The following HIBCH variants were observed in gnomAD, a reference collection of about 807,000 sequenced individuals.
HIBCH encodes 3-hydroxyisobutyryl-CoA hydrolase, mitochondrial.
HIBCH carries 50 observed loss-of-function variants against 58.2 expected under a neutral mutation model. That is an observed-to-expected ratio of 0.86 (90% CI 0.68 to 1.09). The LOEUF (loss-of-function observed/expected upper bound fraction) is 1.09. HIBCH is among the 50% of genes least tolerant of loss of function. The probability of loss-of-function intolerance (pLI) is 0.00; values close to 1 mark genes in which losing one functional copy is unlikely to be tolerated. For missense variants in HIBCH, 450 were observed against 449.7 expected, an observed-to-expected ratio of 1.00 and a Z score of -0.01; for synonymous variants, 151 against 146.9, an observed-to-expected ratio of 1.03 and a Z score of -0.20.
At chr2:190,260,697 G>A (rs946792881) in intron 7 of HIBCH, among the ~76,000 whole-genome samples, 1 of 152,084 alleles carries the variant, frequency 6.6e-6, no homozygotes, top group African/African-American at 2.4e-5. Context: ...AGCTACACAG[G>A]CAATTCAGTA....
chr2:190,244,771 A>G, intron 11 of HIBCH, 116 bp downstream of exon 11: 1 of 793,060 alleles, frequency 1.3e-6, no homozygotes, highest in Non-Finnish European at 2.3e-6. Flanking sequence ...GGAAAAAAGA[A>G]AACACAATGC....
intron 5 of HIBCH, among the ~76,000 whole-genome samples, chr2:190,290,037 C>A (rs1687922214): frequency 6.6e-6 from 1 of 152,286 alleles, no homozygotes; most frequent in Non-Finnish European, 1.5e-5. Flanking sequence ...TGCCACCGCA[C>A]CCAGCTGATT....
intron 7 of HIBCH, among the ~76,000 whole-genome samples, chr2:190,259,756 G>A (rs1687034961): frequency 6.6e-6 from 1 of 152,084 alleles, no homozygotes; most frequent in Non-Finnish European, 1.5e-5. Context: ...GGAGCTGTTG[G>A]AGTTTTCCAT....
At chr2:190,218,160 T>C (rs1353673872) in intron 11 of HIBCH, among the ~76,000 whole-genome samples, 1 of 147,698 alleles carries the variant, frequency 6.8e-6, no homozygotes, top group South Asian at 2.1e-4. Flanking sequence ...CCAAAGGCAG[T>C]TGTCACAAGC....
At chr2:190,224,091 C>T (rs1050805600) in intron 11 of HIBCH, among the ~76,000 whole-genome samples, 1 of 152,206 alleles carries the variant, frequency 6.6e-6, no homozygotes, top group African/African-American at 2.4e-5. Flanking sequence ...TAGCAAACGG[C>T]ACACCAGGAG....
At chr2:190,200,762 CTT>C (rs1240117970), downstream of HIBCH, 2 of 167,872 alleles carry the variant, frequency 1.2e-5, no homozygotes, top group Non-Finnish European at 2.9e-5. Context: ...ACGACTCAGA[CTT>C]TGTGCCTAAA....
chr2:190,204,214 T>C lies in HIBCH; in HGVS notation c.*903A>G, dbSNP rs1004616122. The C allele has an allele frequency of 1.3e-5, 2 of 152,050 alleles. No homozygotes were observed. The highest frequency in any genetic ancestry group is 6.6e-5 in the Admixed American group (1 of 15,258). The allele number at this position is 152,050 out of a possible 1,614,324, so 9.4% of individuals were successfully genotyped here. On this transcript the variant is annotated 3_prime_UTR_variant, in exon 14 of 14. Coordinates refer to ENST00000359678, the MANE Select transcript of HIBCH (RefSeq NM_014362.4). ...ATTGAATATATCTTTTGAACAAAAG[T>C]CTTCTTGCTTTCAATTAATTTTTTT...
chr2:190,216,221 C>T lies in HIBCH; in HGVS notation c.892-3146G>A, dbSNP rs952905329. 1 of 152,826 alleles carries T rather than the reference C, an allele frequency of 6.5e-6. No individual in the cohort carries two copies. Among genetic ancestry groups the T allele is most frequent in the Non-Finnish European group, 1.5e-5 (1 of 68,614 alleles). The allele number at this position is 152,826 out of a possible 1,614,324, so 9.5% of individuals were successfully genotyped here. On this transcript the variant is annotated intron_variant, in intron 11 of 13. Transcript: ENST00000359678. This position sits in a 1 kb window ranked among gnomAD's most constrained non-coding sequence, Gnocchi z 4.2. Reference sequence around the variant, plus strand: ...GTGCAAGCAAAGGGTGCAGTGTGGCCACTGAGGCGGGACAGAGCCTGGGAA... The same window carrying T: ...GTGCAAGCAAAGGGTGCAGTGTGGCTACTGAGGCGGGACAGAGCCTGGGAA...
intron 6 of HIBCH, among the ~76,000 whole-genome samples, chr2:190,267,286 C>A (rs1687269217): frequency 6.6e-6 from 1 of 151,978 alleles, no homozygotes; most frequent in Non-Finnish European, 1.5e-5. Flanking sequence ...CTCATTGCAA[C>A]TTCTGTGTCC....
intron 11 of HIBCH, chr2:190,213,454 A>C: frequency 4.3e-6 from 1 of 232,674 alleles, no homozygotes; most frequent in Non-Finnish European, 8.5e-6. Context: ...TTCCGGGACA[A>C]AGTGTCTTGA....
At chr2:190,200,089 T>C (rs1428648403), downstream of HIBCH, 6 of 1,614,060 alleles carry the variant, frequency 3.7e-6, no homozygotes, top group Non-Finnish European at 5.1e-6. Flanking sequence ...CTTGCAGCAA[T>C]GGGCATGCAA....
intron 6 of HIBCH, chr2:190,280,892 A>C (rs1394547118): frequency 2.6e-5 from 4 of 152,158 alleles, no homozygotes; most frequent in Non-Finnish European, 5.9e-5. Flanking sequence ...CCTGTTCTAA[A>C]ACTTTTTAAT....
chr2:190,269,725 T>A (rs1038414915), intron 6 of HIBCH, among the ~76,000 whole-genome samples: 5 of 152,200 alleles, frequency 3.3e-5, no homozygotes, highest in Non-Finnish European at 7.3e-5. Flanking sequence ...TTACTGGGTA[T>A]ATACCCAAAG....
chr2:190,303,907 T>A (rs1371622036), intron 2 of HIBCH, among the ~76,000 whole-genome samples: 1 of 152,126 alleles, frequency 6.6e-6, no homozygotes, highest in African/African-American at 2.4e-5. Context: ...AGAAGGGCAC[T>A]TTTCCTCTGT....
chr2:190,196,522 CT>C (rs34020571), intron 1 of HIBCH, among the ~76,000 whole-genome samples: 1,817 of 135,706 alleles, frequency 0.013, 23 homozygotes, highest in African/African-American at 0.033. Flanking sequence ...AATGCTGGGT[CT>C]TTTTTTTTTT....
At chr2:190,238,082 T>C (rs1396711438) in intron 11 of HIBCH, among the ~76,000 whole-genome samples, 1 of 152,204 alleles carries the variant, frequency 6.6e-6, no homozygotes, top group Non-Finnish European at 1.5e-5. Context: ...TGTCAGGCAT[T>C]TGGGTTGATT....
chr2:190,234,988 A>C (rs1465191873), intron 11 of HIBCH, among the ~76,000 whole-genome samples: 2 of 152,218 alleles, frequency 1.3e-5, no homozygotes, highest in Non-Finnish European at 2.9e-5. Flanking sequence ...CACAATTACT[A>C]CTTGAGACCT....
chr2:190,311,162 T>C (rs1165980837), intron 1 of HIBCH: 1 of 402,330 alleles, frequency 2.5e-6, no homozygotes, highest in African/African-American at 2.1e-5. Context: ...TACATACTAC[T>C]AAGCAAAAGA....
intron 1 of HIBCH, among the ~76,000 whole-genome samples, chr2:190,192,768 T>G (rs1475482385): frequency 1.3e-5 from 2 of 152,196 alleles, no homozygotes; most frequent in Non-Finnish European, 2.9e-5. Context: ...AATTTATCCC[T>G]AAGTGTTCAT....
Sources: allele counts gnomAD v4.1 joint callset (sites outside exome capture counted in the v4.1 genomes callset), GRCh38; gene constraint gnomAD v4.1.1; non-coding constraint Gnocchi (gnomAD v3.1); transcripts MANE v1.5; gene names NCBI Gene and HGNC (gene_info 2026-07-23, HGNC 2026-07-21).